Variants in CNDP2 observed in about 807,000 individuals in gnomAD.
The protein encoded by CNDP2 is cytosolic non-specific dipeptidase.
A neutral mutation model predicts 55.0 loss-of-function variants in CNDP2; 38 were observed. That is an observed-to-expected ratio of 0.69 (90% CI 0.53 to 0.90). The LOEUF (loss-of-function observed/expected upper bound fraction) is 0.90. CNDP2 is among the 40% of genes least tolerant of loss of function. CNDP2 has a pLI of 0.00. For synonymous variants in CNDP2, 241 were observed against 260.2 expected (o/e 0.93, Z 0.71); for missense variants, 607 against 621.7 (o/e 0.98, Z 0.25).
At chr18:74,504,533 C>G (rs1034342498) in intron 3 of CNDP2, among the ~76,000 whole-genome samples, 1 of 152,262 alleles carries the variant, frequency 6.6e-6, no homozygotes, top group African/African-American at 2.4e-5. Context: ...TTGGAAGGGA[C>G]ACTTTTCTCA....
chr18:74,514,346 G>A (rs1218092661), intron 8 of CNDP2, among the ~76,000 whole-genome samples: 2 of 151,988 alleles, frequency 1.3e-5, no homozygotes, highest in Non-Finnish European at 2.9e-5. Flanking sequence ...TGTAAGTTCT[G>A]CAGGCTGTAG....
chr18:74,496,958 A>G (rs1325195790), intron 1 of CNDP2, among the ~76,000 whole-genome samples: 1 of 152,176 alleles, frequency 6.6e-6, no homozygotes, highest in Non-Finnish European at 1.5e-5. Flanking sequence ...TCCCGCCAGC[A>G]TTTGAGGCAG....
intron 8 of CNDP2, 113 bp downstream of exon 8, chr18:74,513,832 AT>A (rs1979495879): frequency 9.1e-7 from 1 of 1,100,410 alleles, no homozygotes; most frequent in East Asian, 2.5e-5. Context: ...AAGAGCTGGA[AT>A]GTCCGATGCA....
intron 9 of CNDP2, chr18:74,517,542 G>A (rs1979754235): frequency 1.3e-5 from 2 of 152,186 alleles, no homozygotes; most frequent in African/African-American, 4.8e-5. Context: ...TTATGTGTGG[G>A]AAAAGGTAAG....
chr18:74,501,508 G>A, intron 3 of CNDP2, 36 bp downstream of exon 3: 1 of 1,582,866 alleles, frequency 6.3e-7, no homozygotes, highest in Non-Finnish European at 8.6e-7. Flanking sequence ...CAGGACCGTA[G>A]ACAGATTCTG....
intron 3 of CNDP2, among the ~76,000 whole-genome samples, 181 bp downstream of exon 3, chr18:74,501,653 G>C (rs1474213358): frequency 6.6e-6 from 1 of 152,090 alleles, no homozygotes; most frequent in Admixed American, 6.5e-5. Flanking sequence ...GTTGGATTGG[G>C]GCAAAGGTTT....
Position 74,510,714 on chromosome 18 carries a change from G to A in CNDP2, c.457-99G>A, listed in dbSNP as rs576251920. ...ACACGGAGGCCCATGTGGTCTGTCT[G>A]GAGAATGCCGGAGATGTGAAATATG... is the stretch of plus-strand genomic sequence containing the variant. On this transcript the variant is annotated intron_variant, in intron 5 of 11. Transcript: ENST00000324262. 9,839 of 1,070,304 alleles carry A rather than the reference G, an allele frequency of 9.2e-3. 58 individuals are homozygous for A. The highest frequency in any genetic ancestry group is 0.013 in the Non-Finnish European group (9,032 of 718,118). 66.3% of individuals were successfully genotyped at this position (1,070,304 alleles called of 1,614,324 possible). A position where few individuals can be genotyped will look rare whatever the true frequency, so the allele number is the denominator to read the frequency against.
chr18:74,498,382 C>G (rs1305167764), intron 1 of CNDP2, among the ~76,000 whole-genome samples: 1 of 152,086 alleles, frequency 6.6e-6, no homozygotes. Context: ...CATATCTAGA[C>G]AGAAAATGAA....
Position 74,510,737 on chromosome 18 carries a change from A to G in CNDP2, c.457-76A>G. On this transcript the variant is annotated intron_variant, in intron 5 of 11. Coordinates refer to ENST00000324262, the MANE Select transcript of CNDP2 (RefSeq NM_018235.3). ...CTGGAGAATGCCGGAGATGTGAAAT[A>G]TGTAATCCTGAGTGTGGCTTCTAGA... 4 of 1,276,824 alleles carry G rather than the reference A, an allele frequency of 3.1e-6. No individual in the cohort carries two copies. In the South Asian group the frequency reaches 5.3e-5, roughly 17 times the overall value. 79.1% of individuals were successfully genotyped at this position (1,276,824 alleles called of 1,614,324 possible).
chr18:74,515,275 G>A (rs1249208205), intron 8 of CNDP2, among the ~76,000 whole-genome samples: 1 of 152,148 alleles, frequency 6.6e-6, no homozygotes, highest in Non-Finnish European at 1.5e-5. Context: ...TAGGAGACCC[G>A]TTAGGCTGTT....
chr18:74,498,620 T>C (rs934227138), intron 1 of CNDP2, among the ~76,000 whole-genome samples: 7 of 152,194 alleles, frequency 4.6e-5, no homozygotes, highest in Non-Finnish European at 8.8e-5. Context: ...TCCTGCTAAA[T>C]AGGATTTCCT....
chr18:74,511,169 G>A (rs566122589), intron 6 of CNDP2, 156 bp downstream of exon 6: 24 of 632,672 alleles, frequency 3.8e-5, no homozygotes, highest in Admixed American at 1.2e-4. Flanking sequence ...ATAAACCACC[G>A]TCCTACACCA....
At chr18:74,511,483 G>C (rs190128563) in intron 6 of CNDP2, among the ~76,000 whole-genome samples, 1 of 152,098 alleles carries the variant, frequency 6.6e-6, no homozygotes, top group Non-Finnish European at 1.5e-5. Context: ...GAGCCAGATG[G>C]ATCACTTGAG....
chr18:74,507,600 C>G (rs1388497050), intron 4 of CNDP2: 1 of 153,140 alleles, frequency 6.5e-6, no homozygotes, highest in African/African-American at 2.4e-5. Flanking sequence ...CACGTGCAGC[C>G]CCCAGGAGCC....
chr18:74,512,671 C>A, intron 7 of CNDP2, 139 bp downstream of exon 7: 1 of 672,886 alleles, frequency 1.5e-6, no homozygotes, highest in Non-Finnish European at 2.5e-6. Context: ...CTGTGCCTCT[C>A]CCTCCTTCCA....
At chr18:74,508,970 A>G (rs761621746) in intron 5 of CNDP2, 42 bp downstream of exon 5, 2 of 1,529,910 alleles carry the variant, frequency 1.3e-6, no homozygotes, top group African/African-American at 2.7e-5. Context: ...CCTGGGTTCC[A>G]TCTGAGCCAT....
intron 8 of CNDP2, 84 bp from the exon 9 acceptor site, chr18:74,516,144 A>G: frequency 5.5e-6 from 8 of 1,442,802 alleles, no homozygotes; most frequent in South Asian, 1.3e-5. Flanking sequence ...CTCATTTCCC[A>G]GACAACATTC....
At chr18:74,496,704 G>A (rs1002969692) in intron 1 of CNDP2, among the ~76,000 whole-genome samples, 4 of 152,202 alleles carry the variant, frequency 2.6e-5, no homozygotes, top group Non-Finnish European at 5.9e-5. Flanking sequence ...GGTACGCAGG[G>A]ACAAGCTGGG....
At chr18:74,506,753 G>A (rs1599063790) in intron 4 of CNDP2, among the ~76,000 whole-genome samples, 1 of 152,306 alleles carries the variant, frequency 6.6e-6, no homozygotes, top group East Asian at 1.9e-4. Flanking sequence ...TGCTTCCGTG[G>A]GCCTGGCACC....
Sources: allele counts gnomAD v4.1 joint callset (sites outside exome capture counted in the v4.1 genomes callset), GRCh38; gene constraint gnomAD v4.1.1; transcripts MANE v1.5; gene names NCBI Gene and HGNC (gene_info 2026-07-23, HGNC 2026-07-21).